Variants in FRMD4A observed in about 807,000 individuals in gnomAD.
FRMD4A encodes FERM domain containing 4A.
Under a neutral mutation model 129.1 loss-of-function variants are expected in FRMD4A, and 29 were observed. The ratio of observed to expected loss-of-function variants is 0.22; its 90% confidence interval spans 0.17 to 0.31. The LOEUF is 0.31. FRMD4A is among the 10% of genes least tolerant of loss of function. The pLI is 1.00. For missense variants in FRMD4A, 1,272 were observed against 1,375.8 expected, an observed-to-expected ratio of 0.92 and a Z score of 1.19; for synonymous variants, 634 against 571.6, an observed-to-expected ratio of 1.11 and a Z score of -1.56.
chr10:13,693,737 C>T (rs891764781), intron 15 of FRMD4A, 161 bp downstream of exon 15: 8 of 767,112 alleles, frequency 1.0e-5, no homozygotes, highest in Non-Finnish European at 1.7e-5. Context: ...GCAGTTTTCT[C>T]AGATTCGCAT....
intron 2 of FRMD4A, among the ~76,000 whole-genome samples, chr10:13,985,235 C>T (rs898718): frequency 0.29 from 44,242 of 152,188 alleles, 7,627 homozygotes; most frequent in East Asian, 0.72. Flanking sequence ...GCCCCAGCCT[C>T]GCCCTCGGGT....
At chr10:13,647,972 C>CAAAGT (rs2134348152) in intron 24 of FRMD4A, 1 of 152,140 alleles carries the variant, frequency 6.6e-6, no homozygotes, top group South Asian at 2.1e-4. Context: ...GACCCTAACC[C>CAAAGT]AAAGTAGTTC....
chr10:14,023,092 C>T (rs1017623799), intron 2 of FRMD4A, among the ~76,000 whole-genome samples: 1 of 152,064 alleles, frequency 6.6e-6, no homozygotes, highest in Non-Finnish European at 1.5e-5. Flanking sequence ...GTCTGCAGTT[C>T]AGTTTCTACT....
At chr10:13,829,711 C>T (rs2093759951) in intron 3 of FRMD4A, among the ~76,000 whole-genome samples, 1 of 152,178 alleles carries the variant, frequency 6.6e-6, no homozygotes, top group Non-Finnish European at 1.5e-5. Context: ...TGGGTGCAGC[C>T]TAGGTCCATC....
At chr10:13,927,772 T>C (rs955340027) in intron 2 of FRMD4A, among the ~76,000 whole-genome samples, 1 of 152,190 alleles carries the variant, frequency 6.6e-6, no homozygotes, top group Non-Finnish European at 1.5e-5. Context: ...AAACACAACT[T>C]GATCTTTAGA....
intron 2 of FRMD4A, among the ~76,000 whole-genome samples, chr10:14,328,364 G>T (rs2132130383): frequency 1.3e-5 from 1 of 77,274 alleles, no homozygotes; most frequent in South Asian, 6.8e-4. Context: ...GTGTGTGTGT[G>T]TGGGTGGGGG....
At chr10:14,321,499 G>A (rs1217512662) in intron 2 of FRMD4A, among the ~76,000 whole-genome samples, 1 of 152,108 alleles carries the variant, frequency 6.6e-6, no homozygotes, top group Non-Finnish European at 1.5e-5. Flanking sequence ...AACACTGTGA[G>A]AGTATGAATT....
chr10:14,018,569 A>G (rs1269686243), intron 2 of FRMD4A, among the ~76,000 whole-genome samples: 4 of 151,858 alleles, frequency 2.6e-5, no homozygotes, highest in African/African-American at 7.3e-5. Flanking sequence ...ATTTTAAGTT[A>G]CTTTTAGGGA....
chr10:13,886,531 C>T (rs1463473170), intron 2 of FRMD4A, among the ~76,000 whole-genome samples: 1 of 152,208 alleles, frequency 6.6e-6, no homozygotes, highest in African/African-American at 2.4e-5. Context: ...TAACAAGCGA[C>T]ACTGTGCTTT....
At chr10:14,178,282 G>A (rs1003278271) in intron 2 of FRMD4A, among the ~76,000 whole-genome samples, 1 of 152,176 alleles carries the variant, frequency 6.6e-6, no homozygotes, top group Non-Finnish European at 1.5e-5. Context: ...GTAAGCATTT[G>A]AAAGTATTTT....
intron 6 of FRMD4A, among the ~76,000 whole-genome samples, chr10:13,774,075 C>T (rs1191781885): frequency 2.0e-5 from 3 of 152,188 alleles, no homozygotes; most frequent in African/African-American, 7.2e-5. Context: ...CACCTGTCTC[C>T]TTAGTGAGTT....
At chr10:14,310,213 T>C (rs1280434177) in intron 2 of FRMD4A, among the ~76,000 whole-genome samples, 3 of 152,208 alleles carry the variant, frequency 2.0e-5, no homozygotes, top group African/African-American at 7.2e-5. Flanking sequence ...GTTTTGTTGT[T>C]CATTTCTTTA....
chr10:14,326,685 C>T (rs1353785941), intron 2 of FRMD4A: 11 of 396,364 alleles, frequency 2.8e-5, no homozygotes, highest in Non-Finnish European at 4.9e-5. Flanking sequence ...TCATCCTTAT[C>T]CTGGCTCTAA....
chr10:14,319,367 T>TCTCTCTCTCTCTCACACACA (rs112041665), intron 2 of FRMD4A, among the ~76,000 whole-genome samples: 1 of 145,050 alleles, frequency 6.9e-6, no homozygotes, highest in African/African-American at 2.7e-5. Flanking sequence ...TCTCTCTCTC[T>TCTCTCTCTCTCTCACACACA]CACACACACA....
intron 2 of FRMD4A, among the ~76,000 whole-genome samples, chr10:13,862,615 G>T (rs1437353893): frequency 6.6e-6 from 1 of 152,192 alleles, no homozygotes; most frequent in African/African-American, 2.4e-5. Flanking sequence ...CCTGTAGAAA[G>T]CAAAATGTCT....
intron 12 of FRMD4A, among the ~76,000 whole-genome samples, chr10:13,734,832 TTCTTTTTC>T (rs1238651341): frequency 2.1e-5 from 3 of 144,802 alleles, no homozygotes; most frequent in East Asian, 4.7e-4. Context: ...TTTTTTCTTC[TTCTTTTTC>T]TATTTATTTA....
At chr10:13,717,177 A>T (rs1234491480) in intron 12 of FRMD4A, among the ~76,000 whole-genome samples, 1 of 152,316 alleles carries the variant, frequency 6.6e-6, no homozygotes, top group East Asian at 1.9e-4. Context: ...GCTATGACAG[A>T]CCTCAGTGGG....
At position 14,040,275 on chromosome 10, in the gene FRMD4A, T is replaced by C. The variant is rs557522077; in HGVS notation, c.46-181363A>G. Among the ~76,000 whole-genome samples the C allele has an allele frequency of 2.6e-5, 4 of 152,190 alleles. No homozygotes were observed. The East Asian group carries it at 7.7e-4, about 29-fold the overall frequency. ...TTTTTGTGAACAGTCACTTGCTCCCTGTCACCGAGAGAAAATCCTTCTTCT... is the reference window on the plus strand; with the variant it reads ...TTTTTGTGAACAGTCACTTGCTCCCCGTCACCGAGAGAAAATCCTTCTTCT... On this transcript the variant is annotated intron_variant, in intron 2 of 24. Coordinates refer to ENST00000357447, the MANE Select transcript of FRMD4A (RefSeq NM_018027.5).
chr10:13,926,423 T>C (rs2131272591), intron 2 of FRMD4A, among the ~76,000 whole-genome samples: 1 of 152,234 alleles, frequency 6.6e-6, no homozygotes, highest in South Asian at 2.1e-4. Flanking sequence ...TATTGATTAG[T>C]GCCAAGCCAA....
Sources: gnomAD v4.1 joint callset for allele counts (sites outside exome capture counted in the v4.1 genomes callset) on GRCh38, gnomAD v4.1.1 for gene constraint, MANE v1.5 for transcripts, NCBI Gene and HGNC (gene_info 2026-07-23, HGNC 2026-07-21) for gene names.